ATXN7: variants seen among roughly 807,000 people sequenced by gnomAD.
ATXN7 encodes the protein ataxin-7.
In ATXN7, 12 loss-of-function variants were observed where a neutral mutation model predicts 70.5. That is an observed-to-expected ratio of 0.17 (90% CI 0.11 to 0.28). ATXN7 has a LOEUF of 0.28. Among genes scored for constraint, ATXN7 ranks in the 10% least tolerant of loss-of-function variants. The pLI, the probability that ATXN7 is intolerant of heterozygous loss-of-function variation, is 1.00. For synonymous variants in ATXN7, 498 were observed against 448.7 expected (o/e 1.11, Z -1.39); for missense variants, 1,256 against 1,131.7 (o/e 1.11, Z -1.58).
chr3:63,863,823 C>T, upstream of ATXN7: 1 of 1,221,272 alleles, frequency 8.2e-7, no homozygotes, highest in South Asian at 3.9e-5. Context: ...GCGGCGGCGG[C>T]GCAAGCTGAG....
At chr3:63,910,788 ATTT>A (rs1359861182) in intron 2 of ATXN7, among the ~76,000 whole-genome samples, 2 of 152,130 alleles carry the variant, frequency 1.3e-5, no homozygotes, top group Non-Finnish European at 2.9e-5. Context: ...CCAGGAAAAA[ATTT>A]TACAGACTTA....
intron 11 of ATXN7, among the ~76,000 whole-genome samples, chr3:63,993,438 C>T (rs1290252398): frequency 1.3e-5 from 2 of 148,994 alleles, no homozygotes; most frequent in Non-Finnish European, 3.0e-5. Flanking sequence ...GGTGACAGAG[C>T]GAGACTCCGT....
At chr3:63,929,616 A>G (rs1704863630) in intron 4 of ATXN7, among the ~76,000 whole-genome samples, 2 of 152,112 alleles carry the variant, frequency 1.3e-5, no homozygotes, top group Non-Finnish European at 2.9e-5. Flanking sequence ...ACTCGTACCC[A>G]TTAAGCAAGG....
intron 8 of ATXN7, among the ~76,000 whole-genome samples, chr3:63,984,853 C>CTG (rs1446536360): frequency 6.6e-6 from 1 of 152,152 alleles, no homozygotes; most frequent in Admixed American, 6.5e-5. Context: ...GATTATAGAT[C>CTG]TCATATAAGT....
chr3:63,931,867 TGAAGTTTGGAAGTAGACACAG>T (rs1315675248), intron 4 of ATXN7, among the ~76,000 whole-genome samples: 1 of 152,166 alleles, frequency 6.6e-6, no homozygotes, highest in East Asian at 1.9e-4. Flanking sequence ...AAGAGAAGCC[TGAAGTTTGGAAGTAGACACAG>T]GAAGGACGAG....
chr3:63,867,065 A>G (rs1453139444), intron 1 of ATXN7: 2 of 151,906 alleles, frequency 1.3e-5, no homozygotes, highest in Non-Finnish European at 2.9e-5. Flanking sequence ...CTAGCTATAT[A>G]TGGTCTTTAT....
rs74703210 is a variant in ATXN7, at chr3:63,886,643, A to G, written c.-110-11756A>G. 5.0e-3 allele frequency among the ~76,000 whole-genome samples: 764 copies of G among 152,324 alleles called. 7 individuals are homozygous for G. The highest frequency in any genetic ancestry group is 0.017 in the African/African-American group (714 of 41,566). On this transcript the variant is annotated intron_variant, in intron 1 of 12. Coordinates refer to ENST00000674280, the MANE Select transcript of ATXN7 (RefSeq NM_001377405.1). ...TCAGGTTTACAGGAACTCTCTGTAT[A>G]ATCTTTGCAACTTTTCTGTAAATTC... is the stretch of plus-strand genomic sequence containing the variant.
At chr3:63,927,801 C>G (rs1010111120) in intron 4 of ATXN7, among the ~76,000 whole-genome samples, 1 of 152,078 alleles carries the variant, frequency 6.6e-6, no homozygotes, top group African/African-American at 2.4e-5. Context: ...GAGACAGACT[C>G]GGTGTCTGCT....
rs950682626 is a variant in ATXN7, at chr3:63,935,436, TA to T, written c.395-16934del. On this transcript the variant is annotated intron_variant, in intron 4 of 12. Transcript: ENST00000674280. ...TGGATTATAACATTTAAGGGTACAT[TA>T]AAAAAAAATTATTCCCCCAAAGCTA... is the stretch of plus-strand genomic sequence containing the variant. Among the ~76,000 whole-genome samples the T allele has an allele frequency of 6.1e-4, 93 of 151,682 alleles. 3 individuals carry two copies. In the South Asian group the frequency reaches 7.1e-3, roughly 12 times the overall value.
At chr3:63,953,768 A>T (rs2074993828) in intron 5 of ATXN7, among the ~76,000 whole-genome samples, 1 of 150,766 alleles carries the variant, frequency 6.6e-6, no homozygotes, top group African/African-American at 2.4e-5. Context: ...CCCTTGCTTC[A>T]GTCTCCTGAG....
chr3:63,937,517 G>A (rs1053103299), intron 4 of ATXN7, among the ~76,000 whole-genome samples: 1 of 152,176 alleles, frequency 6.6e-6, no homozygotes, highest in Non-Finnish European at 1.5e-5. Flanking sequence ...ATTTTAAGTA[G>A]TATTATGTGT....
chr3:63,918,351 A>T (rs556750072), intron 4 of ATXN7, among the ~76,000 whole-genome samples: 2 of 152,344 alleles, frequency 1.3e-5, no homozygotes, highest in South Asian at 4.1e-4. Flanking sequence ...TAAAGGTACT[A>T]CATTGTGGGT....
intron 2 of ATXN7, among the ~76,000 whole-genome samples, chr3:63,900,341 T>G (rs1232964172): frequency 1.3e-5 from 2 of 152,180 alleles, no homozygotes; most frequent in Non-Finnish European, 2.9e-5. Context: ...AAGATAATAT[T>G]TTTACCATTA....
intron 8 of ATXN7, among the ~76,000 whole-genome samples, chr3:63,986,571 T>C (rs181460599): frequency 6.6e-6 from 1 of 152,346 alleles, no homozygotes; most frequent in Admixed American, 6.5e-5. Context: ...TTATAAACTT[T>C]TTGTTTGAAG....
At chr3:63,973,509 C>T (rs2075346729) in intron 5 of ATXN7, among the ~76,000 whole-genome samples, 1 of 152,132 alleles carries the variant, frequency 6.6e-6, no homozygotes, top group Non-Finnish European at 1.5e-5. Context: ...GTTCACTCTT[C>T]AAACTGATGC....
At chr3:63,906,526 TA>T (rs1278343816) in intron 2 of ATXN7, among the ~76,000 whole-genome samples, 1 of 152,216 alleles carries the variant, frequency 6.6e-6, no homozygotes, top group Non-Finnish European at 1.5e-5. Context: ...TCTGGGAGAC[TA>T]AATGTATGTC....
chr3:63,912,528 C>T (rs1457613371), intron 2 of ATXN7, 60 bp from the exon 3 acceptor site: 2 of 1,043,894 alleles, frequency 1.9e-6, no homozygotes, highest in Non-Finnish European at 2.4e-6. Context: ...AACTCCCTGG[C>T]GCCTCCTTAA....
chr3:63,882,704 T>C (rs1352079520), intron 1 of ATXN7, among the ~76,000 whole-genome samples: 2 of 152,162 alleles, frequency 1.3e-5, no homozygotes, highest in African/African-American at 4.8e-5. Flanking sequence ...CTTAAATGAA[T>C]ATGTGTTGTT....
rs146044947 is a variant in ATXN7, at chr3:63,995,722, G to A, written c.1900G>A (p.Ala634Thr). ...TLNAQPAASG[A>T]MDPVCSMQSR... ...AAATGCACAGCCTGCTGCTTCAGGG[G>A]CGATGGATCCTGTGTGCAGTATGCA... Residue 634 changes from alanine (A) to threonine (T), a missense_variant, in exon 12 of 13, where the codon GCG becomes ACG. Ala to Thr is a moderately conservative substitution (Grantham distance 58). Coordinates refer to ENST00000674280, the MANE Select transcript of ATXN7 (RefSeq NM_001377405.1). 9.3e-6 allele frequency: 15 copies of A among 1,614,208 alleles called. No homozygotes were observed. The East Asian group carries it at 2.9e-4, about 31-fold the overall frequency.
Sources: gnomAD v4.1 joint callset for allele counts (sites outside exome capture counted in the v4.1 genomes callset) on GRCh38, gnomAD v4.1.1 for gene constraint, MANE v1.5 for transcripts, NCBI Gene and HGNC (gene_info 2026-07-23, HGNC 2026-07-21) for gene names.